Variants in RNF213 observed in about 807,000 individuals in gnomAD.
RNF213 encodes the protein ring finger protein 213.
A neutral mutation model predicts 514.4 loss-of-function variants in RNF213; 341 were observed. That is an observed-to-expected ratio of 0.66 (90% CI 0.61 to 0.73). The LOEUF (loss-of-function observed/expected upper bound fraction) is 0.73, where lower values mean the gene tolerates loss of function less well. Among genes scored for constraint, RNF213 ranks in the 30% least tolerant of loss-of-function variants. The pLI is 0.00. For synonymous variants in RNF213, 2,655 were observed against 2,658.2 expected, an observed-to-expected ratio of 1.00 and a Z score of 0.04; for missense variants, 5,767 against 6,615.6, an observed-to-expected ratio of 0.87 and a Z score of 4.45.
intron 25 of RNF213, among the ~76,000 whole-genome samples, chr17:80,338,986 A>T (rs1442485085): frequency 6.6e-6 from 1 of 151,844 alleles, no homozygotes; most frequent in Non-Finnish European, 1.5e-5. Context: ...AAAACAAATG[A>T]TACCATTTAT....
At position 80,317,909 on chromosome 17, in the gene RNF213, C is replaced by T. The variant is rs143369201; in HGVS notation, c.2901+632C>T. ...AGCATCCAAGAAGAATGGGGTCACC[C>T]GGACACTTGAAGGATGGTGAAGGTG... is the stretch of plus-strand genomic sequence containing the variant. On this transcript the variant is annotated intron_variant, in intron 16 of 67. Coordinates refer to ENST00000582970, the MANE Select transcript of RNF213 (RefSeq NM_001256071.3). This position sits in a 1 kb window ranked among gnomAD's most constrained non-coding sequence, Gnocchi z 4.1. Among the ~76,000 whole-genome samples, 395 of 152,170 alleles carry T rather than the reference C, an allele frequency of 2.6e-3. 1 individual carries two copies. Among genetic ancestry groups the T allele is most frequent in the Non-Finnish European group, 3.9e-3 (264 of 67,990 alleles).
chr17:80,283,625 G>C (rs2143130070), intron 3 of RNF213, among the ~76,000 whole-genome samples: 1 of 152,318 alleles, frequency 6.6e-6, no homozygotes, highest in South Asian at 2.1e-4. Context: ...GCAGGCCCTG[G>C]GGAGGGGTGC....
chr17:80,371,784 G>A lies in RNF213; in HGVS notation c.12426-90G>A, dbSNP rs543577224. ...TATGTTTATACACACACACACACAG[G>A]ACAGACGACCGATAGATAGATGCTC... On this transcript the variant is annotated intron_variant, in intron 46 of 67. Coordinates refer to ENST00000582970, the MANE Select transcript of RNF213 (RefSeq NM_001256071.3). The A allele has an allele frequency of 5.6e-4, 403 of 720,390 alleles. 2 individuals carry two copies. The highest frequency in any genetic ancestry group is 1.3e-3 in the Admixed American group (62 of 48,250). The allele number at this position is 720,390 out of a possible 1,614,324, so 44.6% of individuals were successfully genotyped here. A position where few individuals can be genotyped will look rare whatever the true frequency, so the allele number is the denominator to read the frequency against.
chr17:80,384,791 G>A (rs1488819324), intron 59 of RNF213: 8 of 532,668 alleles, frequency 1.5e-5, no homozygotes, highest in African/African-American at 3.8e-5. Flanking sequence ...TGATGGACGC[G>A]GCTGATGCGT....
At chr17:80,380,303 G>A (rs1291391578) in intron 55 of RNF213, among the ~76,000 whole-genome samples, 3 of 152,194 alleles carry the variant, frequency 2.0e-5, no homozygotes, top group African/African-American at 7.2e-5. Context: ...ACTGTTCCCT[G>A]CAGTCACAGC....
chr17:80,290,693 A>G lies in RNF213; in HGVS notation c.1236A>G (p.Lys412=). ...IRGGEEFGES[K]WDSNICELHY... ...GAGGAGAAGAATTTGGGGAGTCAAA[A>G]TGGGACAGCAATATCTGTGAGCTGC... The change falls in exon 7 of 68, where the codon AAA becomes AAG. Residue 412 remains lysine, a synonymous_variant. Coordinates refer to ENST00000582970, the MANE Select transcript of RNF213 (RefSeq NM_001256071.3). 1 of 1,614,180 alleles carries G rather than the reference A, an allele frequency of 6.2e-7. No individual in the cohort carries two copies. The highest frequency in any genetic ancestry group is 8.5e-7 in the Non-Finnish European group (1 of 1,180,022).
intron 8 of RNF213, chr17:80,292,061 CACTT>C: frequency 3.4e-6 from 2 of 594,980 alleles, no homozygotes; most frequent in Non-Finnish European, 6.0e-6. Context: ...CTTACCTACT[CACTT>C]GCAGGAGGAA....
chr17:80,366,522 T>C (rs926477082), intron 42 of RNF213, among the ~76,000 whole-genome samples: 16 of 152,250 alleles, frequency 1.1e-4, no homozygotes, highest in African/African-American at 3.9e-4. Flanking sequence ...TGTTGGGCAT[T>C]TGCTGTCTTC....
Position 80,376,771 on chromosome 17 carries a change from C to T in RNF213, c.13429-111C>T, listed in dbSNP as rs1599177712. On this transcript the variant is annotated intron_variant, in intron 52 of 67. Coordinates refer to ENST00000582970, the MANE Select transcript of RNF213 (RefSeq NM_001256071.3). ...TTCTTCACAGACAGCTTGAGAAGTC[C>T]AGCAGAAGGAAAGCAGAGTTCCCTT... The T allele has an allele frequency of 1.2e-5, 14 of 1,149,324 alleles. No individual in the cohort carries two copies. The East Asian group carries it at 3.3e-4, about 27-fold the overall frequency. 71.2% of individuals were successfully genotyped at this position (1,149,324 alleles called of 1,614,324 possible).
intron 16 of RNF213, among the ~76,000 whole-genome samples, chr17:80,318,822 C>T (rs2046037749): frequency 6.6e-6 from 1 of 152,202 alleles, no homozygotes; most frequent in Non-Finnish European, 1.5e-5. Context: ...ATCCACCCGC[C>T]TCAGCCTCCC....
intron 19 of RNF213, 62 bp from the exon 20 acceptor site, chr17:80,328,266 T>C: frequency 6.7e-7 from 1 of 1,491,738 alleles, no homozygotes; most frequent in East Asian, 2.5e-5. Flanking sequence ...TTCAAAGCAT[T>C]GCCATGGAAA....
At chr17:80,320,515 C>T (rs982532161) in intron 17 of RNF213, 1 of 152,104 alleles carries the variant, frequency 6.6e-6, no homozygotes, top group South Asian at 2.1e-4. Context: ...TTTAAAGAGT[C>T]TTTTAATTGT....
chr17:80,355,662 G>C (rs1280607509), intron 36 of RNF213, among the ~76,000 whole-genome samples: 1 of 44,860 alleles, frequency 2.2e-5, no homozygotes, highest in Non-Finnish European at 4.9e-5. Context: ...GGACGGGAAT[G>C]GGGGCTTACA....
At position 80,398,637 on chromosome 17, in the gene RNF213, C is replaced by A. The variant is rs2080706968; in HGVS notation, c.*5139C>A. 1 of 114,990 alleles carries A rather than the reference C, an allele frequency of 8.7e-6. No homozygotes were observed. Among genetic ancestry groups the A allele is most frequent in the African/African-American group, 3.5e-5 (1 of 28,818 alleles). 7.1% of individuals were successfully genotyped at this position (114,990 alleles called of 1,614,324 possible). A position where few individuals can be genotyped will look rare whatever the true frequency, so the allele number is the denominator to read the frequency against. ...GCCCCAACAGTGGTTGAGAGAACAG[C>A]AGCATAAGTGGCTGGCAGAGGCAAG... On this transcript the variant is annotated 3_prime_UTR_variant, in exon 68 of 68. Transcript: ENST00000582970.
At chr17:80,266,300 A>G (rs991751883) in intron 2 of RNF213, among the ~76,000 whole-genome samples, 1 of 151,446 alleles carries the variant, frequency 6.6e-6, no homozygotes, top group Non-Finnish European at 1.5e-5. Context: ...AGAAAAAAAA[A>G]TACAAGAATT....
rs1217896828 is a variant in RNF213, at chr17:80,398,586, G to A, written c.*5088G>A. ...TCCCGTACACAGACACTTGGTTACA[G>A]CTGGTTTTAGACTCCCCACCCGCCC... On this transcript the variant is annotated 3_prime_UTR_variant, in exon 68 of 68. Transcript: ENST00000582970. 2.6e-5 allele frequency: 4 copies of A among 152,086 alleles called. No homozygotes were observed. The highest frequency in any genetic ancestry group is 9.7e-5 in the African/African-American group (4 of 41,382). 9.4% of individuals were successfully genotyped at this position (152,086 alleles called of 1,614,324 possible).
chr17:80,303,211 C>T (rs2045239022), intron 11 of RNF213, among the ~76,000 whole-genome samples: 1 of 152,188 alleles, frequency 6.6e-6, no homozygotes. Flanking sequence ...TGAGAGAGCT[C>T]TGGAAATTCC....
At chr17:80,275,923 G>A (rs1006775265) in intron 3 of RNF213, among the ~76,000 whole-genome samples, 6 of 150,238 alleles carry the variant, frequency 4.0e-5, no homozygotes, top group African/African-American at 9.8e-5. Flanking sequence ...CGGCCTCCCA[G>A]AATGTTGGGA....
intron 20 of RNF213, among the ~76,000 whole-genome samples, chr17:80,331,455 C>T (rs1214279512): frequency 6.8e-6 from 1 of 147,778 alleles, no homozygotes; most frequent in East Asian, 2.0e-4. Context: ...GTGACACAGT[C>T]TCAGCTCACT....
Sources: gnomAD v4.1 joint callset for allele counts (sites outside exome capture counted in the v4.1 genomes callset) on GRCh38, gnomAD v4.1.1 for gene constraint, Gnocchi (gnomAD v3.1) non-coding constraint, MANE v1.5 for transcripts, NCBI Gene and HGNC (gene_info 2026-07-23, HGNC 2026-07-21) for gene names.